CNTN5: variants seen among roughly 807,000 people sequenced by gnomAD.
CNTN5 encodes contactin 5, also known as contactin-5.
CNTN5 carries 77 observed loss-of-function variants against 129.1 expected under a neutral mutation model. The observed-to-expected ratio is 0.60, with a 90% CI of 0.50 to 0.72. CNTN5 has a LOEUF of 0.72. CNTN5 is among the 30% of genes least tolerant of loss of function. The pLI is 0.00. For synonymous variants in CNTN5, 509 were observed against 465.6 expected (o/e 1.09, Z -1.20); for missense variants, 1,478 against 1,328.8 (o/e 1.11, Z -1.75).
intron 3 of CNTN5, among the ~76,000 whole-genome samples, chr11:99,805,374 G>T (rs551149983): frequency 1.3e-5 from 2 of 152,130 alleles, no homozygotes; most frequent in South Asian, 4.1e-4. Flanking sequence ...TCAGAGGAGA[G>T]ATCTGAGCTA....
intron 7 of CNTN5, among the ~76,000 whole-genome samples, chr11:99,955,668 C>T (rs1031958633): frequency 6.6e-6 from 1 of 152,034 alleles, no homozygotes; most frequent in African/African-American, 2.4e-5. Context: ...AAGCCATTCT[C>T]CTGCCTCAGC....
At chr11:100,107,387 A>G (rs12788183) in intron 13 of CNTN5, among the ~76,000 whole-genome samples, 2 of 152,248 alleles carry the variant, frequency 1.3e-5, no homozygotes, top group African/African-American at 4.8e-5. Context: ...CATGGTATAA[A>G]CAATATTAAA....
intron 1 of CNTN5, among the ~76,000 whole-genome samples, chr11:99,124,314 A>T (rs1171054976): frequency 6.6e-6 from 1 of 151,914 alleles, no homozygotes; most frequent in Non-Finnish European, 1.5e-5. Context: ...TATTTTCCAG[A>T]TTTGGCTCTA....
chr11:99,645,598 C>A (rs1476009432), intron 3 of CNTN5, among the ~76,000 whole-genome samples: 2 of 152,072 alleles, frequency 1.3e-5, no homozygotes, highest in Non-Finnish European at 2.9e-5. Flanking sequence ...GTAATATACA[C>A]CATGGAATAC....
intron 16 of CNTN5, among the ~76,000 whole-genome samples, chr11:100,253,159 AC>A (rs1172927012): frequency 1.3e-5 from 2 of 152,256 alleles, no homozygotes; most frequent in South Asian, 2.1e-4. Flanking sequence ...CCTAACACAT[AC>A]TTTTTCTCTT....
intron 1 of CNTN5, among the ~76,000 whole-genome samples, chr11:99,124,231 G>A (rs930527714): frequency 6.6e-6 from 1 of 151,906 alleles, no homozygotes; most frequent in African/African-American, 2.4e-5. Context: ...TTCTCATTGT[G>A]GAGAGCTTTC....
chr11:99,787,243 G>A (rs1385359720), intron 3 of CNTN5, among the ~76,000 whole-genome samples: 1 of 151,426 alleles, frequency 6.6e-6, no homozygotes, highest in Non-Finnish European at 1.5e-5. Flanking sequence ...AAGAATGTAT[G>A]TAAATGCACT....
intron 1 of CNTN5, among the ~76,000 whole-genome samples, chr11:99,036,105 C>G (rs917409765): frequency 6.6e-6 from 1 of 152,144 alleles, no homozygotes; most frequent in East Asian, 1.9e-4. Context: ...GGCCCCCACT[C>G]TCTTTTGGCT....
chr11:100,174,211 G>T (rs1341696788), intron 13 of CNTN5, among the ~76,000 whole-genome samples: 1 of 152,028 alleles, frequency 6.6e-6, no homozygotes, highest in Non-Finnish European at 1.5e-5. Flanking sequence ...CAAGGATATG[G>T]ATATCAGAGA....
chr11:99,708,025 C>G (rs990771354), intron 3 of CNTN5, among the ~76,000 whole-genome samples: 2 of 151,584 alleles, frequency 1.3e-5, no homozygotes, highest in Admixed American at 6.6e-5. Flanking sequence ...TACTTGATCA[C>G]TAAATTGCTC....
intron 8 of CNTN5, among the ~76,000 whole-genome samples, chr11:99,979,463 TGAA>T (rs1375144864): frequency 1.3e-5 from 2 of 152,088 alleles, no homozygotes; most frequent in East Asian, 1.9e-4. Flanking sequence ...GAAAAGTAAA[TGAA>T]GAAGAAGTAG....
chr11:99,836,504 G>T (rs1425915447), intron 4 of CNTN5, among the ~76,000 whole-genome samples: 1 of 151,996 alleles, frequency 6.6e-6, no homozygotes, highest in African/African-American at 2.4e-5. Context: ...AGTATTCCAT[G>T]GTGTATATGT....
chr11:100,092,089 ATTAC>A (rs1034658120), intron 13 of CNTN5, among the ~76,000 whole-genome samples: 10 of 149,076 alleles, frequency 6.7e-5, no homozygotes, highest in Non-Finnish European at 8.8e-5. Flanking sequence ...ATAAAGAGTA[ATTAC>A]TTTTTTATGG....
chr11:100,147,912 C>CTA (rs1049136233), intron 13 of CNTN5, among the ~76,000 whole-genome samples: 6 of 152,140 alleles, frequency 3.9e-5, no homozygotes, highest in Admixed American at 3.9e-4. Context: ...GGGAGTGTTT[C>CTA]TAAATTGTTT....
At chr11:99,949,672 A>G (rs1950629684) in intron 7 of CNTN5, among the ~76,000 whole-genome samples, 1 of 152,218 alleles carries the variant, frequency 6.6e-6, no homozygotes, top group South Asian at 2.1e-4. Context: ...GCCTTTTGAA[A>G]AGGGTTAGCA....
At chr11:100,196,502 C>A (rs1356185135) in intron 15 of CNTN5, among the ~76,000 whole-genome samples, 2 of 151,958 alleles carry the variant, frequency 1.3e-5, no homozygotes, top group Non-Finnish European at 2.9e-5. Flanking sequence ...ACATCCACAT[C>A]TATATACAAT....
chr11:99,060,092 T>C (rs1438346234), intron 1 of CNTN5, among the ~76,000 whole-genome samples: 2 of 152,062 alleles, frequency 1.3e-5, no homozygotes, highest in South Asian at 4.1e-4. Flanking sequence ...TAAAGTTAAT[T>C]AAACTCAGGA....
At chr11:99,674,147 A>C (rs1208690322) in intron 3 of CNTN5, among the ~76,000 whole-genome samples, 1 of 152,176 alleles carries the variant, frequency 6.6e-6, no homozygotes, top group African/African-American at 2.4e-5. Flanking sequence ...AAGCATAGCC[A>C]TTCTAACTGA....
At chr11:99,578,588 A>G (rs1307188244) in intron 3 of CNTN5, among the ~76,000 whole-genome samples, 1 of 149,674 alleles carries the variant, frequency 6.7e-6, no homozygotes, top group Non-Finnish European at 1.5e-5. Flanking sequence ...AGTGATCATG[A>G]GCATTTTTTC....
Sources: allele counts gnomAD v4.1 joint callset (sites outside exome capture counted in the v4.1 genomes callset), GRCh38; gene constraint gnomAD v4.1.1; transcripts MANE v1.5; gene names NCBI Gene and HGNC (gene_info 2026-07-23, HGNC 2026-07-21).